SLC7A9: variants seen among roughly 807,000 people sequenced by gnomAD.
The protein encoded by SLC7A9 is solute carrier family 7 member 9.
Under a neutral mutation model 54.1 loss-of-function variants are expected in SLC7A9, and 38 were observed. The ratio of observed to expected loss-of-function variants is 0.70; its 90% CI spans 0.54 to 0.92. The LOEUF is 0.92. Among genes scored for constraint, SLC7A9 ranks in the 40% least tolerant of loss-of-function variants. The pLI, the probability that SLC7A9 is intolerant of heterozygous loss-of-function variation, is 0.00. For missense variants in SLC7A9, 537 were observed against 636.1 expected (o/e 0.84, Z 1.68); for synonymous variants, 264 against 258.9 (o/e 1.02, Z -0.19).
At position 32,864,192 on chromosome 19, in the gene SLC7A9, T is replaced by C; in HGVS notation, c.382A>G (p.Ile128Val). The change falls in exon 4 of 13, where the codon ATC becomes GTC. Residue 128 changes from isoleucine (I) to valine (V), a missense_variant. By Grantham distance (29) the Ile-to-Val change is conservative. Transcript: ENST00000023064. Reference protein sequence around the residue: ...IVIKPTSFAIICLSFSEYVCA... With the variant: ...IVIKPTSFAIVCLSFSEYVCA... The stretch of plus-strand genomic sequence containing the variant: ...ACATACTCGGAGAAGCTGAGGCAGA[T>C]GATGGCGAAGGACGTGGGCTTAATG... The C allele has an allele frequency of 6.2e-7, 1 of 1,614,178 alleles. No individual in the cohort carries two copies. The highest frequency in any genetic ancestry group is 8.5e-7 in the Non-Finnish European group (1 of 1,180,022).
chr19:32,865,125 C>G (rs1003947397), intron 2 of SLC7A9, among the ~76,000 whole-genome samples: 12 of 152,066 alleles, frequency 7.9e-5, no homozygotes, highest in African/African-American at 1.9e-4. Flanking sequence ...GATCCTGTGC[C>G]CTCAATGAAA....
intron 9 of SLC7A9, among the ~76,000 whole-genome samples, chr19:32,851,882 GA>G (rs2145826145): frequency 6.6e-6 from 1 of 152,198 alleles, no homozygotes; most frequent in South Asian, 2.1e-4. Context: ...GGACATGGAT[GA>G]AACTGGAAAC....
At chr19:32,862,019 C>A in intron 6 of SLC7A9, 99 bp downstream of exon 6, 1 of 833,786 alleles carries the variant, frequency 1.2e-6, no homozygotes, top group South Asian at 1.3e-5. Context: ...ACACCAAACC[C>A]CAGAAAGGAG....
At chr19:32,849,204 TAG>T (rs1968389195) in intron 9 of SLC7A9, among the ~76,000 whole-genome samples, 1 of 151,468 alleles carries the variant, frequency 6.6e-6, no homozygotes, top group Admixed American at 6.6e-5. Context: ...CTGAAGGAAA[TAG>T]AGACACAAAA....
intron 2 of SLC7A9, among the ~76,000 whole-genome samples, chr19:32,865,539 T>C (rs1272345077): frequency 6.6e-6 from 1 of 152,206 alleles, no homozygotes; most frequent in African/African-American, 2.4e-5. Context: ...GATGGTTCCA[T>C]GCCTGTGAAG....
intron 11 of SLC7A9, among the ~76,000 whole-genome samples, chr19:32,836,703 T>TTGGA (rs1967968326): frequency 6.6e-6 from 1 of 152,206 alleles, no homozygotes; most frequent in African/African-American, 2.4e-5. Context: ...AAGGAGGTGT[T>TTGGA]TTCCAGTCAC....
At chr19:32,849,610 G>A (rs1482665072) in intron 9 of SLC7A9, among the ~76,000 whole-genome samples, 1 of 151,522 alleles carries the variant, frequency 6.6e-6, no homozygotes, top group Non-Finnish European at 1.5e-5. Context: ...GTACAAGGAG[G>A]AGCTGGTACC....
chr19:32,837,939 A>G (rs1207760092), intron 11 of SLC7A9, among the ~76,000 whole-genome samples: 2 of 152,242 alleles, frequency 1.3e-5, no homozygotes, highest in African/African-American at 4.8e-5. Flanking sequence ...TAAGCAAAAA[A>G]TAGCAATGAC....
intron 9 of SLC7A9, among the ~76,000 whole-genome samples, chr19:32,853,916 C>CAAAAA (rs139253538): frequency 8.3e-6 from 1 of 119,856 alleles, no homozygotes; most frequent in Non-Finnish European, 1.8e-5. Flanking sequence ...GATCCTGTCT[C>CAAAAA]AAAAAAAAAA....
At chr19:32,845,435 C>T (rs879455693) in intron 9 of SLC7A9, among the ~76,000 whole-genome samples, 24 of 151,584 alleles carry the variant, frequency 1.6e-4, no homozygotes, top group Non-Finnish European at 3.4e-4. Context: ...GCGGAGGTTG[C>T]AGTGAGCCGA....
At chr19:32,854,895 T>C (rs945227662) in intron 9 of SLC7A9, among the ~76,000 whole-genome samples, 1 of 152,154 alleles carries the variant, frequency 6.6e-6, no homozygotes, top group Non-Finnish European at 1.5e-5. Flanking sequence ...GCCTTGGGTA[T>C]ATATTTGAAT....
chr19:32,859,928 CA>C lies in SLC7A9; in HGVS notation c.785del (p.Leu262ArgfsTer2). 1.2e-6 allele frequency: 2 copies of C among 1,614,176 alleles called. No individual in the cohort carries two copies. Among genetic ancestry groups the C allele is most frequent in the East Asian group, 4.5e-5 (2 of 44,870 alleles). On this transcript the variant is annotated frameshift_variant, in exon 8 of 13. Transcript: ENST00000023064. LOFTEE classifies it high-confidence loss of function. Reference protein sequence around the residue: ...LPLAIIIGIPLVTACYILMNV... With the variant: ...LPLAIIIGIPXVTACYILMNV... ...TCATGAGGATGTAGCACGCCGTCAC[CA>C]GGGGGATCCCGATGATAATGGCCAA...
At chr19:32,857,069 G>A (rs1968649872) in intron 9 of SLC7A9, among the ~76,000 whole-genome samples, 1 of 151,616 alleles carries the variant, frequency 6.6e-6, no homozygotes, top group Non-Finnish European at 1.5e-5. Context: ...AAAATTGCTT[G>A]AACTAGGGAG....
chr19:32,838,720 A>G (rs1373202336), intron 11 of SLC7A9, among the ~76,000 whole-genome samples: 1 of 147,854 alleles, frequency 6.8e-6, no homozygotes, highest in East Asian at 2.0e-4. Flanking sequence ...ATGTATATGT[A>G]TTTGTATGTA....
rs1456100534 is a variant in SLC7A9, at chr19:32,868,480, G to A, written c.55C>T (p.Gln19Ter). 6.2e-7 allele frequency: 1 copy of A among 1,614,064 alleles called. No homozygotes were observed. Among genetic ancestry groups the A allele is most frequent in the Non-Finnish European group, 8.5e-7 (1 of 1,180,008 alleles). Reference sequence around the variant, plus strand: ...TGGAGACTGGTGGTCTTAGGCTCTTGGCTCTGGATCGACTTCTCATCCTCT... The same window carrying A: ...TGGAGACTGGTGGTCTTAGGCTCTTAGCTCTGGATCGACTTCTCATCCTCT... The part of the protein sequence containing the change: ...RREDEKSIQS[Q>*]EPKTTSLQKE... The change falls in exon 2 of 13, where the codon CAA (glutamine) becomes TAA (stop). Residue 19 changes from glutamine to a stop codon, truncating the protein, a stop_gained. Transcript: ENST00000023064. LOFTEE classifies it high-confidence loss of function.
intron 9 of SLC7A9, among the ~76,000 whole-genome samples, chr19:32,854,854 C>T (rs549047117): frequency 6.6e-6 from 1 of 152,300 alleles, no homozygotes; most frequent in East Asian, 1.9e-4. Context: ...TCCCAAAGTG[C>T]TGGGATTACA....
At position 32,843,942 on chromosome 19, in the gene SLC7A9, G is replaced by A. The variant is rs369810846; in HGVS notation, c.987C>T (p.Tyr329=). The part of the protein sequence containing the change: ...GTCFTAGRLI[Y]VAGREGHMLK... ...GCATGTGACCCTCCCGGCCCGCCAC[G>A]TAAATGAGTCTGGAAAATAACGACA... The change falls in exon 10 of 13, where the codon TAC becomes TAT. Residue 329 remains tyrosine (Y), a synonymous_variant. Transcript: ENST00000023064. 28 of 1,612,904 alleles carry A rather than the reference G, an allele frequency of 1.7e-5. No homozygotes were observed. The highest frequency in any genetic ancestry group is 7.7e-5 in the South Asian group (7 of 91,020).
Position 32,842,225 on chromosome 19 carries a change from C to G in SLC7A9, c.1167G>C (p.Thr389=), listed in dbSNP as rs368549032. 1 of 1,614,072 alleles carries G rather than the reference C, an allele frequency of 6.2e-7. No individual in the cohort carries two copies. The highest frequency in any genetic ancestry group is 2.2e-5 in the East Asian group (1 of 44,878). The change falls in exon 11 of 13, where the codon ACG becomes ACC. Residue 389 remains threonine (T), a synonymous_variant. Transcript: ENST00000023064. Reference sequence around the variant, plus strand: ...ATCTCATCACGATGAGTCCTAGAATCGTCAGGCCATAAAACAGCCATGCGG... The same window carrying G: ...ATCTCATCACGATGAGTCCTAGAATGGTCAGGCCATAAAACAGCCATGCGG... The part of the protein sequence containing the change: ...SFAAWLFYGL[T]ILGLIVMRFT...
chr19:32,848,756 T>G (rs1304345569), intron 9 of SLC7A9, among the ~76,000 whole-genome samples: 1 of 152,132 alleles, frequency 6.6e-6, no homozygotes, highest in Non-Finnish European at 1.5e-5. Context: ...ACACCACACC[T>G]ATTCCAAAAT....
Sources: gnomAD v4.1 joint callset for allele counts (sites outside exome capture counted in the v4.1 genomes callset) on GRCh38, gnomAD v4.1.1 for gene constraint, MANE v1.5 for transcripts, NCBI Gene and HGNC (gene_info 2026-07-23, HGNC 2026-07-21) for gene names.